EPHA6: variants seen among roughly 807,000 people sequenced by gnomAD.
EPHA6 encodes EPH receptor A6, also known as ephrin type-A receptor 6.
Under a neutral mutation model 112.0 loss-of-function variants are expected in EPHA6, and 50 were observed. That is an observed-to-expected ratio of 0.45 (90% CI 0.36 to 0.56). EPHA6 has a LOEUF of 0.56. Ranked by LOEUF, EPHA6 falls within the 20% of genes least tolerant of loss-of-function variation. The probability of loss-of-function intolerance (pLI) is 0.00; values close to 1 mark genes in which losing one functional copy is unlikely to be tolerated. For synonymous variants in EPHA6, 529 were observed against 490.7 expected (o/e 1.08, Z -1.03); for missense variants, 1,280 against 1,417.4 (o/e 0.90, Z 1.56).
At chr3:97,212,325 CAT>C (rs1233480652) in intron 3 of EPHA6, among the ~76,000 whole-genome samples, 5 of 151,972 alleles carry the variant, frequency 3.3e-5, no homozygotes, top group Non-Finnish European at 7.4e-5. Flanking sequence ...GGGAATATAA[CAT>C]TAAGTAAAAA....
intron 14 of EPHA6, among the ~76,000 whole-genome samples, chr3:97,645,567 A>G (rs2094052863): frequency 6.6e-6 from 1 of 150,394 alleles, no homozygotes; most frequent in African/African-American, 2.5e-5. Flanking sequence ...ATAATGCTAG[A>G]TGACGAGTTA....
intron 3 of EPHA6, among the ~76,000 whole-genome samples, chr3:97,201,790 A>G (rs2077584280): frequency 6.6e-6 from 1 of 152,108 alleles, no homozygotes; most frequent in African/African-American, 2.4e-5. Context: ...TCCAACCTTA[A>G]TTAAGAAAGT....
At chr3:97,712,103 A>G (rs777800222) in intron 14 of EPHA6, among the ~76,000 whole-genome samples, 3 of 152,236 alleles carry the variant, frequency 2.0e-5, no homozygotes, top group Non-Finnish European at 4.4e-5. Flanking sequence ...GCCTGGAATA[A>G]TTAATCTTTC....
intron 3 of EPHA6, among the ~76,000 whole-genome samples, chr3:97,217,270 T>C (rs1291551320): frequency 6.6e-6 from 1 of 152,146 alleles, no homozygotes; most frequent in Non-Finnish European, 1.5e-5. Flanking sequence ...GCAGAGGTTC[T>C]CTGTGAGTGC....
intron 3 of EPHA6, among the ~76,000 whole-genome samples, chr3:97,176,704 A>G (rs1162577552): frequency 6.6e-6 from 1 of 151,818 alleles, no homozygotes. Context: ...GTAGCCACTA[A>G]TTATCGTTTG....
At chr3:97,675,901 A>G (rs1358766956) in intron 14 of EPHA6, among the ~76,000 whole-genome samples, 1 of 152,220 alleles carries the variant, frequency 6.6e-6, no homozygotes, top group African/African-American at 2.4e-5. Context: ...TGTTCGGTAT[A>G]TTCTTAAGGT....
At chr3:96,834,626 A>G (rs770850805) in intron 1 of EPHA6, among the ~76,000 whole-genome samples, 3 of 151,960 alleles carry the variant, frequency 2.0e-5, no homozygotes, top group Non-Finnish European at 2.9e-5. Flanking sequence ...CTGGGATTCA[A>G]TAGAGGAGAT....
At chr3:97,743,283 G>A (rs981546550) in intron 16 of EPHA6, among the ~76,000 whole-genome samples, 2 of 151,878 alleles carry the variant, frequency 1.3e-5, no homozygotes, top group Non-Finnish European at 2.9e-5. Context: ...TCAAGTCTGA[G>A]TCATCACGTA....
intron 6 of EPHA6, among the ~76,000 whole-genome samples, chr3:97,415,078 TTAGG>T (rs2088021097): frequency 6.6e-6 from 1 of 151,974 alleles, no homozygotes; most frequent in South Asian, 2.1e-4. Flanking sequence ...TCCTCTTCCA[TTAGG>T]GCAGTTTATC....
intron 10 of EPHA6, among the ~76,000 whole-genome samples, chr3:97,515,356 C>G (rs978571103): frequency 6.6e-6 from 1 of 152,168 alleles, no homozygotes; most frequent in South Asian, 2.1e-4. Flanking sequence ...GCCTTTACTT[C>G]CTATCATTCT....
At chr3:97,461,065 AG>A (rs2090872177) in intron 7 of EPHA6, among the ~76,000 whole-genome samples, 1 of 152,200 alleles carries the variant, frequency 6.6e-6, no homozygotes, top group African/African-American at 2.4e-5. Context: ...GATCATTCGA[AG>A]TTAACTATCA....
rs1161933985 is a variant in EPHA6 at position 97,010,053 on chromosome 3, A to G, written c.1114+22060A>G. 9.2e-6 allele frequency: 12 copies of G among 1,297,322 alleles called. No homozygotes were observed. The East Asian group carries it at 6.0e-4, about 64-fold the overall frequency. 80.4% of individuals were successfully genotyped at this position (1,297,322 alleles called of 1,614,324 possible). On this transcript the variant is annotated intron_variant, in intron 3 of 17. Transcript: ENST00000389672. ...AGTTGGCCATCTTGGCCCCACCCCG[A>G]AACAGTAACCTTTGAAGAATAAAAG...
At chr3:97,661,686 T>G (rs2094170677) in intron 14 of EPHA6, among the ~76,000 whole-genome samples, 2 of 152,182 alleles carry the variant, frequency 1.3e-5, no homozygotes, top group South Asian at 4.1e-4. Context: ...AGGAAAATCC[T>G]ACTTGAGTGA....
At chr3:97,293,145 C>T (rs185700623) in intron 5 of EPHA6, among the ~76,000 whole-genome samples, 263 of 151,214 alleles carry the variant, frequency 1.7e-3, no homozygotes, top group African/African-American at 6.0e-3. Context: ...CAGCTCCATT[C>T]CTCAGCCGGG....
rs1196351143 is a variant in EPHA6 at position 97,553,698 on chromosome 3, A to G, written c.2386+21155A>G. Among the ~76,000 whole-genome samples, 24 of 152,078 alleles carry G rather than the reference A, an allele frequency of 1.6e-4. 1 individual carries two copies. The highest frequency in any genetic ancestry group is 3.5e-4 in the Non-Finnish European group (24 of 68,010). ...CATGTGGGGATTACAATTTAAGATG[A>G]GATTTGGGTGGGGACATAGAGTCAA... On this transcript the variant is annotated intron_variant, in intron 11 of 17. Transcript: ENST00000389672.
At chr3:97,360,524 ATTG>A (rs928055767) in intron 5 of EPHA6, among the ~76,000 whole-genome samples, 14 of 152,126 alleles carry the variant, frequency 9.2e-5, no homozygotes, top group Admixed American at 8.5e-4. Flanking sequence ...ATTTCTTTAT[ATTG>A]TTTAAAATTT....
intron 3 of EPHA6, among the ~76,000 whole-genome samples, chr3:97,177,336 G>T (rs1245516501): frequency 2.6e-5 from 4 of 151,872 alleles, no homozygotes; most frequent in Non-Finnish European, 4.4e-5. Flanking sequence ...CTGAGGAAAA[G>T]AATCTGTATT....
chr3:96,895,746 T>G (rs2038235130), intron 2 of EPHA6, among the ~76,000 whole-genome samples: 1 of 152,196 alleles, frequency 6.6e-6, no homozygotes. Context: ...AAGCTTCTAG[T>G]GTTTGCCTGT....
At chr3:97,493,905 T>C (rs2091913314) in intron 10 of EPHA6, among the ~76,000 whole-genome samples, 1 of 152,148 alleles carries the variant, frequency 6.6e-6, no homozygotes, top group African/African-American at 2.4e-5. Flanking sequence ...GCAATAGGTC[T>C]CCCAGAGTAA....
Sources: gnomAD v4.1 joint callset for allele counts (sites outside exome capture counted in the v4.1 genomes callset) on GRCh38, gnomAD v4.1.1 for gene constraint, MANE v1.5 for transcripts, NCBI Gene and HGNC (gene_info 2026-07-23, HGNC 2026-07-21) for gene names.